The following NRXN3 variants were observed in gnomAD, a reference collection of about 807,000 sequenced individuals.
NRXN3 encodes the protein neurexin 3, also known as neurexin III.
Under a neutral mutation model 137.6 loss-of-function variants are expected in NRXN3, and 32 were observed. The ratio of observed to expected loss-of-function variants is 0.23; its 90% CI spans 0.18 to 0.31. The LOEUF is 0.31. NRXN3 is among the 10% of genes least tolerant of loss of function. The probability of loss-of-function intolerance (pLI) is 1.00; values close to 1 mark genes in which losing one functional copy is unlikely to be tolerated. For missense variants in NRXN3, 1,574 were observed against 2,062.5 expected (o/e 0.76, Z 4.59); for synonymous variants, 798 against 784.5 (o/e 1.02, Z -0.29).
chr14:79,202,739 C>T (rs936049953), intron 15 of NRXN3, among the ~76,000 whole-genome samples: 2 of 152,090 alleles, frequency 1.3e-5, no homozygotes, highest in African/African-American at 4.8e-5. Context: ...AGTAGTATTC[C>T]ATCATATATA....
chr14:79,185,256 A>C (rs1388264021), intron 15 of NRXN3, among the ~76,000 whole-genome samples: 1 of 152,190 alleles, frequency 6.6e-6, no homozygotes, highest in Non-Finnish European at 1.5e-5. Context: ...AAGTCACTCC[A>C]CGCTCTGAGT....
intron 4 of NRXN3, among the ~76,000 whole-genome samples, chr14:78,348,796 G>A (rs6574434): frequency 0.39 from 59,343 of 151,938 alleles, 11,816 homozygotes; most frequent in Middle Eastern, 0.5. Context: ...GTAGCACCAC[G>A]ACTTTAGGGG....
intron 20 of NRXN3, among the ~76,000 whole-genome samples, chr14:79,813,092 C>A (rs138691582): frequency 6.6e-6 from 1 of 151,934 alleles, no homozygotes; most frequent in Non-Finnish European, 1.5e-5. Flanking sequence ...ACTAATGTAA[C>A]CAGAGATTAA....
rs1480424194 is a variant in NRXN3, at chr14:79,502,203, A to G, written c.3444+34801A>G. On this transcript the variant is annotated intron_variant, in intron 16 of 20. Coordinates refer to ENST00000335750, the MANE Select transcript of NRXN3 (RefSeq NM_001330195.2). ...AAGAGAAATTCTTAGGAAGCAAGCT[A>G]TCTTTTCTAATCCTCTTTAAAAGGC... Among the ~76,000 whole-genome samples the G allele has an allele frequency of 3.9e-5, 6 of 152,326 alleles. No homozygotes were observed. In the East Asian group the frequency reaches 7.7e-4, roughly 20 times the overall value.
rs79863491 is a variant in NRXN3, at chr14:78,287,573, T to C, written c.727+8911T>C. 8.7e-3 allele frequency among the ~76,000 whole-genome samples: 1,321 copies of C among 152,358 alleles called. 20 individuals are homozygous for C. The highest frequency in any genetic ancestry group is 0.03 in the African/African-American group (1,243 of 41,578). On this transcript the variant is annotated intron_variant, in intron 3 of 20. Coordinates refer to ENST00000335750, the MANE Select transcript of NRXN3 (RefSeq NM_001330195.2). ...TGTAAGAGTTGATTCAGACTTGGCT[T>C]GGACCCTTTCAGAGATGAGCAACTC...
chr14:78,800,441 A>T (rs902835623), intron 8 of NRXN3, among the ~76,000 whole-genome samples: 1 of 152,066 alleles, frequency 6.6e-6, no homozygotes, highest in East Asian at 1.9e-4. Flanking sequence ...GAGATAAAAG[A>T]TTTGTTTTGT....
intron 15 of NRXN3, among the ~76,000 whole-genome samples, chr14:79,450,550 T>C (rs2096150868): frequency 1.3e-5 from 2 of 151,118 alleles, no homozygotes; most frequent in Admixed American, 6.6e-5. Context: ...TAATTATATA[T>C]AATTATGATT....
intron 4 of NRXN3, among the ~76,000 whole-genome samples, chr14:78,299,409 C>G (rs914516304): frequency 6.6e-6 from 1 of 152,156 alleles, no homozygotes; most frequent in Non-Finnish European, 1.5e-5. Context: ...GATGGCTCAC[C>G]TTTGGTGACA....
At position 79,739,417 on chromosome 14, in the gene NRXN3, G is replaced by A. The variant is rs536003279; in HGVS notation, c.4014+41480G>A. ...CTCAGCATTTTGGGAGGCTGAGGCA[G>A]GTGGATCACCTGAGGTCAGGAGTTT... On this transcript the variant is annotated intron_variant, in intron 19 of 20. Transcript: ENST00000335750. Among the ~76,000 whole-genome samples, 3 of 152,134 alleles carry A rather than the reference G, an allele frequency of 2.0e-5. No homozygotes were observed. The East Asian group carries it at 5.8e-4, about 30-fold the overall frequency.
In NRXN3 at chr14:79,088,102, G is replaced by A. The variant is rs573587975; in HGVS notation, c.3262+99961G>A. On this transcript the variant is annotated intron_variant, in intron 15 of 20. Coordinates refer to ENST00000335750, the MANE Select transcript of NRXN3 (RefSeq NM_001330195.2). ...CCTTTGCTACATGGAGGGCAATGGCGCATGATAGGCCAGGGAGAAAAGAAT... is the reference window on the plus strand; with the variant it reads ...CCTTTGCTACATGGAGGGCAATGGCACATGATAGGCCAGGGAGAAAAGAAT... 5.3e-4 allele frequency among the ~76,000 whole-genome samples: 79 copies of A among 150,090 alleles called. 2 individuals carry two copies. In the South Asian group the frequency reaches 0.015, roughly 28 times the overall value.
chr14:78,992,696 G>GA (rs1170596580), intron 15 of NRXN3, among the ~76,000 whole-genome samples: 1 of 152,172 alleles, frequency 6.6e-6, no homozygotes, highest in Non-Finnish European at 1.5e-5. Flanking sequence ...TGGACTTTGT[G>GA]AAAATAGCAG....
At position 79,027,405 on chromosome 14, in the gene NRXN3, A is replaced by G. The variant is rs146506704; in HGVS notation, c.3262+39264A>G. On this transcript the variant is annotated intron_variant, in intron 15 of 20. Coordinates refer to ENST00000335750, the MANE Select transcript of NRXN3 (RefSeq NM_001330195.2). ...GGAAGTTAAATGACTATCTTTATGA[A>G]ACAAAGCAAAATAGAAAAGGGAACA... Among the ~76,000 whole-genome samples, 589 of 152,204 alleles carry G rather than the reference A, an allele frequency of 3.9e-3. 3 individuals carry two copies. The highest frequency in any genetic ancestry group is 0.014 in the African/African-American group (565 of 41,542).
At chr14:79,138,165 T>C (rs2058433421) in intron 15 of NRXN3, among the ~76,000 whole-genome samples, 1 of 152,222 alleles carries the variant, frequency 6.6e-6, no homozygotes, top group Non-Finnish European at 1.5e-5. Context: ...TTTTATTTCA[T>C]TTTTATTAGT....
Position 79,862,162 on chromosome 14 carries a change from C to A in NRXN3, c.*198C>A. The stretch of plus-strand genomic sequence containing the variant: ...GATGCATCTCTCTCTAAAGCTCAGC[C>A]ACGGCTGCGGCAAGGTCCCAGCGGT... On this transcript the variant is annotated 3_prime_UTR_variant, in exon 21 of 21. Coordinates refer to ENST00000335750, the MANE Select transcript of NRXN3 (RefSeq NM_001330195.2). The A allele has an allele frequency of 1.8e-6, 1 of 561,212 alleles. No individual in the cohort carries two copies. Among genetic ancestry groups the A allele is most frequent in the South Asian group, 2.2e-5 (1 of 45,560 alleles). 34.8% of individuals were successfully genotyped at this position (561,212 alleles called of 1,614,324 possible).
At chr14:79,363,602 A>G (rs940455892) in intron 15 of NRXN3, among the ~76,000 whole-genome samples, 15 of 44,404 alleles carry the variant, frequency 3.4e-4, no homozygotes, top group African/African-American at 9.4e-4. Context: ...CTTTCTTAAG[A>G]AAAAAAAAAA....
At chr14:78,834,129 A>T (rs2098989741) in intron 10 of NRXN3, among the ~76,000 whole-genome samples, 1 of 152,172 alleles carries the variant, frequency 6.6e-6, no homozygotes, top group Non-Finnish European at 1.5e-5. Context: ...GTGGGAAAAG[A>T]TGCAAGGATC....
At chr14:78,872,181 C>T (rs2099102941) in intron 10 of NRXN3, among the ~76,000 whole-genome samples, 1 of 149,902 alleles carries the variant, frequency 6.7e-6, no homozygotes, top group African/African-American at 2.4e-5. Context: ...TTATAAATAT[C>T]CTCAATTTTA....
At chr14:79,416,820 A>G (rs2095503599) in intron 15 of NRXN3, among the ~76,000 whole-genome samples, 1 of 152,192 alleles carries the variant, frequency 6.6e-6, no homozygotes, top group African/African-American at 2.4e-5. Flanking sequence ...ACTCAAAGAT[A>G]ACATTACATG....
At chr14:78,647,433 C>T (rs113271623) in intron 5 of NRXN3, among the ~76,000 whole-genome samples, 4,348 of 152,252 alleles carry the variant, frequency 0.029, 109 homozygotes, top group Middle Eastern at 0.037. Flanking sequence ...TGCAAAGCAC[C>T]TTATGTTCCA....
Sources: allele counts gnomAD v4.1 joint callset (sites outside exome capture counted in the v4.1 genomes callset), GRCh38; gene constraint gnomAD v4.1.1; transcripts MANE v1.5; gene names NCBI Gene and HGNC (gene_info 2026-07-23, HGNC 2026-07-21).